CYP7B1: variants seen among roughly 807,000 people sequenced by gnomAD.
CYP7B1 encodes cytochrome P450 family 7 subfamily B member 1.
CYP7B1 carries 29 observed loss-of-function variants against 42.7 expected under a neutral mutation model. The observed-to-expected ratio is 0.68, with a 90% CI of 0.51 to 0.93. The LOEUF is 0.93. CYP7B1 is among the 40% of genes least tolerant of loss of function. CYP7B1 has a pLI of 0.00. For missense variants in CYP7B1, 655 were observed against 600.5 expected (o/e 1.09, Z -0.95); for synonymous variants, 235 against 218.2 (o/e 1.08, Z -0.68).
At position 64,701,350 on chromosome 8, in the gene CYP7B1, A is replaced by T. The variant is rs897821431; in HGVS notation, c.123-76811T>A. Among the ~76,000 whole-genome samples, 12 of 152,064 alleles carry T rather than the reference A, an allele frequency of 7.9e-5. 1 individual carries two copies. Among genetic ancestry groups the T allele is most frequent in the Non-Finnish European group, 1.8e-4 (12 of 67,978 alleles). Reference sequence around the variant, plus strand: ...ATGCATTGGAACCACACTGCCAGGTATAAGACCCACTGGCTGCTATGGAAT... The same window carrying T: ...ATGCATTGGAACCACACTGCCAGGTTTAAGACCCACTGGCTGCTATGGAAT... On this transcript the variant is annotated intron_variant, in intron 1 of 5. Coordinates refer to ENST00000310193, the MANE Select transcript of CYP7B1 (RefSeq NM_004820.5).
intron 1 of CYP7B1, among the ~76,000 whole-genome samples, chr8:64,631,237 C>T (rs59556318): frequency 0.087 from 13,278 of 152,072 alleles, 871 homozygotes; most frequent in African/African-American, 0.17. Context: ...TAATTATACA[C>T]CATGAGCAAG....
At chr8:64,731,477 C>T (rs1478129618) in intron 1 of CYP7B1, among the ~76,000 whole-genome samples, 1 of 152,090 alleles carries the variant, frequency 6.6e-6, no homozygotes, top group Admixed American at 6.5e-5. Flanking sequence ...GGGTATCTGG[C>T]AGAAGAAATT....
At chr8:64,730,751 G>GCA (rs61050207) in intron 1 of CYP7B1, among the ~76,000 whole-genome samples, 18,429 of 142,246 alleles carry the variant, frequency 0.13, 1,209 homozygotes, top group Middle Eastern at 0.17. Context: ...AGGACTGTCT[G>GCA]CACACACACA....
rs536569736 is a variant in CYP7B1, at chr8:64,772,692, T to G, written c.122+25774A>C. ...TCTACCCTGTCTACTGCACACCATTTCAGAACAAAAATCAAATTACCTGAC... is the reference window on the plus strand; with the variant it reads ...TCTACCCTGTCTACTGCACACCATTGCAGAACAAAAATCAAATTACCTGAC... On this transcript the variant is annotated intron_variant, in intron 1 of 5. Coordinates refer to ENST00000310193, the MANE Select transcript of CYP7B1 (RefSeq NM_004820.5). Among the ~76,000 whole-genome samples the G allele has an allele frequency of 9.3e-4, 142 of 152,286 alleles. 1 individual carries two copies. The South Asian group carries it at 0.028, about 30-fold the overall frequency.
At chr8:64,599,693 C>T (rs1171648700) in intron 5 of CYP7B1, among the ~76,000 whole-genome samples, 2 of 152,182 alleles carry the variant, frequency 1.3e-5, no homozygotes, top group African/African-American at 4.8e-5. Flanking sequence ...TTGGTAATTA[C>T]ATTGTTCTGG....
At chr8:64,782,290 A>G (rs1804440743) in intron 1 of CYP7B1, among the ~76,000 whole-genome samples, 1 of 152,178 alleles carries the variant, frequency 6.6e-6, no homozygotes, top group South Asian at 2.1e-4. Context: ...TGATGGTAAC[A>G]GAAGGTGGGG....
At chr8:64,776,257 C>G (rs1025128905) in intron 1 of CYP7B1, among the ~76,000 whole-genome samples, 1 of 152,052 alleles carries the variant, frequency 6.6e-6, no homozygotes, top group Non-Finnish European at 1.5e-5. Flanking sequence ...CTAAAGTCAT[C>G]CTTTGACAGA....
intron 1 of CYP7B1, among the ~76,000 whole-genome samples, chr8:64,744,111 G>A (rs1437197884): frequency 6.6e-6 from 1 of 151,998 alleles, no homozygotes; most frequent in Non-Finnish European, 1.5e-5. Flanking sequence ...CCTTTATATT[G>A]GCTTTTTTAG....
At chr8:64,630,886 A>G (rs1024191485) in intron 1 of CYP7B1, among the ~76,000 whole-genome samples, 4 of 152,216 alleles carry the variant, frequency 2.6e-5, no homozygotes, top group African/African-American at 9.7e-5. Flanking sequence ...GTTAAAGAGA[A>G]AGAGAAAGAA....
intron 1 of CYP7B1, among the ~76,000 whole-genome samples, chr8:64,756,154 C>A (rs1417331629): frequency 6.6e-6 from 1 of 152,150 alleles, no homozygotes; most frequent in Non-Finnish European, 1.5e-5. Flanking sequence ...CAACTTTTAA[C>A]TCTTTTCCCT....
intron 1 of CYP7B1, among the ~76,000 whole-genome samples, chr8:64,646,666 T>C (rs1293221133): frequency 2.0e-5 from 3 of 152,232 alleles, no homozygotes; most frequent in Non-Finnish European, 4.4e-5. Context: ...TCTTCATCAA[T>C]GATCATAGTT....
At chr8:64,728,052 C>G (rs1427602800) in intron 1 of CYP7B1, 1 of 152,216 alleles carries the variant, frequency 6.6e-6, no homozygotes, top group Non-Finnish European at 1.5e-5. Flanking sequence ...GTTTAGCATG[C>G]AGTACCTGCT....
At chr8:64,600,999 G>A (rs1476851102) in intron 5 of CYP7B1, among the ~76,000 whole-genome samples, 2 of 152,126 alleles carry the variant, frequency 1.3e-5, no homozygotes, top group African/African-American at 2.4e-5. Flanking sequence ...ATTGATATAT[G>A]TTTGTTTCCT....
intron 1 of CYP7B1, among the ~76,000 whole-genome samples, chr8:64,647,481 G>A (rs1805971649): frequency 1.3e-5 from 2 of 152,272 alleles, no homozygotes; most frequent in South Asian, 4.1e-4. Context: ...AAATATGTCT[G>A]TATATATTTA....
chr8:64,655,528 C>T (rs970672025), intron 1 of CYP7B1, among the ~76,000 whole-genome samples: 3 of 152,180 alleles, frequency 2.0e-5, no homozygotes, highest in Admixed American at 6.5e-5. Context: ...ATAAGAGATG[C>T]TGCTGAAGTT....
At chr8:64,691,093 C>T (rs540885573) in intron 1 of CYP7B1, among the ~76,000 whole-genome samples, 5 of 152,244 alleles carry the variant, frequency 3.3e-5, no homozygotes, top group African/African-American at 1.2e-4. Flanking sequence ...GGGAGTCCTA[C>T]CAATGGCTAA....
intron 4 of CYP7B1, among the ~76,000 whole-genome samples, chr8:64,605,607 A>T (rs1805267354): frequency 6.6e-6 from 1 of 152,198 alleles, no homozygotes; most frequent in South Asian, 2.1e-4. Context: ...TCCTTTGGGA[A>T]TAATATGCAT....
intron 1 of CYP7B1, among the ~76,000 whole-genome samples, chr8:64,697,961 C>G (rs13268326): frequency 0.11 from 16,368 of 152,284 alleles, 1,110 homozygotes; most frequent in Non-Finnish European, 0.16. Context: ...TTTTCACAGA[C>G]TGGACTTACT....
At chr8:64,761,008 TA>T (rs1807881475) in intron 1 of CYP7B1, among the ~76,000 whole-genome samples, 1 of 152,128 alleles carries the variant, frequency 6.6e-6, no homozygotes, top group Admixed American at 6.5e-5. Flanking sequence ...ATTCAGCCTT[TA>T]AAAAGACGCA....
Sources: gnomAD v4.1 joint callset for allele counts (sites outside exome capture counted in the v4.1 genomes callset) on GRCh38, gnomAD v4.1.1 for gene constraint, MANE v1.5 for transcripts, NCBI Gene and HGNC (gene_info 2026-07-23, HGNC 2026-07-21) for gene names.